Variants in SERP2 observed in about 807,000 individuals in gnomAD.
SERP2 encodes the protein stress-associated endoplasmic reticulum protein 2.
SERP2 carries 6 observed loss-of-function variants against 9.1 expected under a neutral mutation model. The ratio of observed to expected loss-of-function variants is 0.66; its 90% confidence interval spans 0.36 to 1.30. SERP2 has a LOEUF of 1.30. Ranked by LOEUF, SERP2 falls within the 50% of genes most tolerant of loss-of-function variation. The pLI, the probability that SERP2 is intolerant of heterozygous loss-of-function variation, is 0.03. For missense variants in SERP2, 58 were observed against 81.9 expected (o/e 0.71, Z 1.13); for synonymous variants, 37 against 27.3 (o/e 1.35, Z -1.10).
At chr13:44,391,452 C>T (rs921084640) in intron 2 of SERP2, among the ~76,000 whole-genome samples, 2 of 152,120 alleles carry the variant, frequency 1.3e-5, no homozygotes, top group Non-Finnish European at 2.9e-5. Context: ...CATACCTGGT[C>T]GCTGTTATCC....
chr13:44,380,707 G>GA (rs1368162761), intron 2 of SERP2, among the ~76,000 whole-genome samples: 2 of 152,124 alleles, frequency 1.3e-5, no homozygotes, highest in African/African-American at 4.8e-5. Flanking sequence ...TCCAAGATGA[G>GA]AAAATCTTAC....
Position 44,397,563 on chromosome 13 carries a change from C to T in SERP2, c.*251C>T. On this transcript the variant is annotated 3_prime_UTR_variant, in exon 3 of 3. Coordinates refer to ENST00000379179, the MANE Select transcript of SERP2 (RefSeq NM_001010897.3). ...TGGCAGGATTAGTAGCCACGCGGGT[C>T]GTCCGCAGCAGTGCTGTTTTTTTGG... 1 of 548,100 alleles carries T rather than the reference C, an allele frequency of 1.8e-6. No homozygotes were observed. The highest frequency in any genetic ancestry group is 2.1e-5 in the South Asian group (1 of 48,004). The allele number at this position is 548,100 out of a possible 1,614,324, so 34.0% of individuals were successfully genotyped here.
chr13:44,395,521 G>A (rs1247366125), intron 2 of SERP2, among the ~76,000 whole-genome samples: 2 of 150,220 alleles, frequency 1.3e-5, no homozygotes, highest in South Asian at 2.1e-4. Flanking sequence ...GGAGAATGGC[G>A]TGAACCGGGG....
chr13:44,376,327 T>C (rs1447845600), intron 1 of SERP2, among the ~76,000 whole-genome samples: 2 of 152,248 alleles, frequency 1.3e-5, no homozygotes, highest in African/African-American at 4.8e-5. Context: ...ATGAAATTCA[T>C]TAAATGGGAA....
intron 2 of SERP2, among the ~76,000 whole-genome samples, chr13:44,393,381 G>T (rs191518489): frequency 3.9e-5 from 6 of 152,258 alleles, no homozygotes; most frequent in Admixed American, 2.6e-4. Flanking sequence ...GTTGAAAGGG[G>T]TGCTGAAAAA....
At chr13:44,378,346 C>G (rs1871777419) in intron 1 of SERP2, among the ~76,000 whole-genome samples, 1 of 152,206 alleles carries the variant, frequency 6.6e-6, no homozygotes, top group African/African-American at 2.4e-5. Context: ...AAACTTACAT[C>G]CTTGATGATA....
chr13:44,378,652 G>A (rs564667145), intron 1 of SERP2, among the ~76,000 whole-genome samples: 30 of 151,788 alleles, frequency 2.0e-4, no homozygotes, highest in Non-Finnish European at 3.2e-4. Flanking sequence ...AAAATAATTA[G>A]TGAGTTCTTT....
intron 2 of SERP2, among the ~76,000 whole-genome samples, chr13:44,394,535 A>G (rs1051932229): frequency 1.3e-5 from 2 of 152,248 alleles, no homozygotes; most frequent in African/African-American, 4.8e-5. Flanking sequence ...TGGGGGCTAC[A>G]TGGACTAAGA....
intron 2 of SERP2, among the ~76,000 whole-genome samples, chr13:44,382,801 C>T (rs942827879): frequency 7.2e-5 from 11 of 152,154 alleles, no homozygotes; most frequent in Admixed American, 7.2e-4. Flanking sequence ...GGCACTGTGC[C>T]GGGCTTTGGA....
intron 1 of SERP2, among the ~76,000 whole-genome samples, chr13:44,378,816 C>T (rs1193783639): frequency 6.6e-6 from 1 of 152,150 alleles, no homozygotes; most frequent in East Asian, 1.9e-4. Context: ...GAGGGAAGAT[C>T]TTATTATGTC....
chr13:44,390,305 A>ACCCCCCCCC, intron 2 of SERP2: 1 of 80,458 alleles, frequency 1.2e-5, no homozygotes, highest in South Asian at 7.1e-5. Context: ...GTCCCCACCC[A>ACCCCCCCCC]CCCGCCCTGG....
chr13:44,394,292 T>G (rs1436171580), intron 2 of SERP2, among the ~76,000 whole-genome samples: 1 of 152,026 alleles, frequency 6.6e-6, no homozygotes, highest in Non-Finnish European at 1.5e-5. Flanking sequence ...ACCCAGCTAA[T>G]TTTTGTATTT....
intron 2 of SERP2, among the ~76,000 whole-genome samples, chr13:44,392,226 G>C (rs1309329842): frequency 1.8e-5 from 1 of 55,578 alleles, no homozygotes; most frequent in Non-Finnish European, 3.7e-5. Flanking sequence ...CCTGTGGTGA[G>C]AGCAGGAGAG....
chr13:44,393,928 G>C (rs1291426501), intron 2 of SERP2, among the ~76,000 whole-genome samples: 1 of 152,148 alleles, frequency 6.6e-6, no homozygotes, highest in African/African-American at 2.4e-5. Flanking sequence ...TAAAAAAATA[G>C]ACTTTATTCA....
chr13:44,379,263 TAATG>T (rs1871828408), intron 1 of SERP2, among the ~76,000 whole-genome samples: 2 of 152,196 alleles, frequency 1.3e-5, no homozygotes, highest in Admixed American at 1.3e-4. Context: ...TTGCCAGAAA[TAATG>T]AATGCAGACT....
chr13:44,397,667 C>T lies in SERP2; in HGVS notation c.*355C>T. On this transcript the variant is annotated 3_prime_UTR_variant, in exon 3 of 3. Transcript: ENST00000379179. ...TTTACTTTCTATGGATACAATCTCT[C>T]CTCCATTGAGAATTGATTTTACAAA... 3.2e-6 allele frequency: 1 copy of T among 316,642 alleles called. No homozygotes were observed. The highest frequency in any genetic ancestry group is 5.9e-6 in the Non-Finnish European group (1 of 168,124). The allele number at this position is 316,642 out of a possible 1,614,324, so 19.6% of individuals were successfully genotyped here.
intron 2 of SERP2, among the ~76,000 whole-genome samples, chr13:44,388,618 G>C (rs554000358): frequency 6.6e-6 from 1 of 152,338 alleles, no homozygotes; most frequent in East Asian, 1.9e-4. Flanking sequence ...CCTTTCGTCT[G>C]TCAGTTAACA....
At chr13:44,395,951 T>C (rs1221435760) in intron 2 of SERP2, 1 of 433,174 alleles carries the variant, frequency 2.3e-6, no homozygotes, top group Admixed American at 2.6e-5. Flanking sequence ...AGCATTTCAG[T>C]GTCAGATCAC....
Position 44,373,932 on chromosome 13 carries a change from C to A in SERP2, c.-94C>A. ...TTGCCACCTGCAGCGCCCGGGTGGG[C>A]CGCGGGGGCCTCGGCGGGACGCGCT... On this transcript the variant is annotated 5_prime_UTR_variant, in exon 1 of 3. Coordinates refer to ENST00000379179, the MANE Select transcript of SERP2 (RefSeq NM_001010897.3). The surrounding 1 kb of genome is among the most constrained non-coding windows in gnomAD (Gnocchi z 4.8). 1 of 1,223,166 alleles carries A rather than the reference C, an allele frequency of 8.2e-7. No individual in the cohort carries two copies. Among genetic ancestry groups the A allele is most frequent in the Non-Finnish European group, 1.2e-6 (1 of 869,196 alleles). The allele number at this position is 1,223,166 out of a possible 1,614,324, so 75.8% of individuals were successfully genotyped here.
Sources: allele counts gnomAD v4.1 joint callset (sites outside exome capture counted in the v4.1 genomes callset), GRCh38; gene constraint gnomAD v4.1.1; non-coding constraint Gnocchi (gnomAD v3.1); transcripts MANE v1.5; gene names NCBI Gene and HGNC (gene_info 2026-07-23, HGNC 2026-07-21).